The following TMEFF2 variants were observed in gnomAD, a reference collection of about 807,000 sequenced individuals.
TMEFF2 encodes the protein transmembrane protein with EGF like and two follistatin like domains 2.
A neutral mutation model predicts 53.8 loss-of-function variants in TMEFF2; 28 were observed. That is an observed-to-expected ratio of 0.52 (90% CI 0.39 to 0.71). TMEFF2 has a LOEUF of 0.71. Ranked by LOEUF, TMEFF2 falls within the 30% of genes least tolerant of loss-of-function variation. The pLI, the probability that TMEFF2 is intolerant of heterozygous loss-of-function variation, is 0.00. For synonymous variants in TMEFF2, 162 were observed against 166.3 expected, an observed-to-expected ratio of 0.97 and a Z score of 0.20; for missense variants, 353 against 455.2, an observed-to-expected ratio of 0.78 and a Z score of 2.04.
Position 191,949,732 on chromosome 2 carries a change from A to C in TMEFF2, c.*579T>G. The C allele has an allele frequency of 2.0e-6, 2 of 985,408 alleles. No homozygotes were observed. The highest frequency in any genetic ancestry group is 1.2e-6 in the Non-Finnish European group (1 of 829,918). The allele number at this position is 985,408 out of a possible 1,614,324, so 61.0% of individuals were successfully genotyped here. A position where few individuals can be genotyped will look rare whatever the true frequency, so the allele number is the denominator to read the frequency against. ...TATATGCCAGAGATTTTTCTGCTCT[A>C]GGGATGAAAATGGAAGACCAGGGAA... On this transcript the variant is annotated 3_prime_UTR_variant, in exon 10 of 10. Transcript: ENST00000272771.
chr2:192,001,779 G>C (rs1686368215), intron 5 of TMEFF2, among the ~76,000 whole-genome samples: 1 of 152,208 alleles, frequency 6.6e-6, no homozygotes, highest in Admixed American at 6.5e-5. Flanking sequence ...CCATGATTGT[G>C]AGGCCTCCCT....
intron 4 of TMEFF2, among the ~76,000 whole-genome samples, chr2:192,085,763 G>C (rs1300126765): frequency 6.6e-6 from 1 of 150,486 alleles, no homozygotes; most frequent in Non-Finnish European, 1.5e-5. Flanking sequence ...AACAAAGTCA[G>C]GTCAGAGAAA....
At chr2:191,982,486 C>T (rs1685876081) in intron 7 of TMEFF2, among the ~76,000 whole-genome samples, 1 of 103,028 alleles carries the variant, frequency 9.7e-6, no homozygotes, top group Non-Finnish European at 1.9e-5. Context: ...GGTGTTAGCA[C>T]AAGACAATGA....
chr2:192,093,013 A>G (rs1375797029), intron 4 of TMEFF2, among the ~76,000 whole-genome samples: 1 of 152,124 alleles, frequency 6.6e-6, no homozygotes, highest in African/African-American at 2.4e-5. Context: ...GCAATAATAG[A>G]AAAGCAATAT....
chr2:191,962,912 TCAC>T (rs1171051597), intron 7 of TMEFF2, among the ~76,000 whole-genome samples: 2 of 152,170 alleles, frequency 1.3e-5, no homozygotes, highest in African/African-American at 4.8e-5. Flanking sequence ...TTTTCAAACT[TCAC>T]CACTCAGTCC....
At chr2:192,133,178 G>C (rs11886297) in intron 4 of TMEFF2, among the ~76,000 whole-genome samples, 2,777 of 151,344 alleles carry the variant, frequency 0.018, 71 homozygotes, top group African/African-American at 0.064. Flanking sequence ...CTTATTAGGC[G>C]GAGACACTTT....
intron 4 of TMEFF2, among the ~76,000 whole-genome samples, chr2:192,092,833 T>A (rs1026093101): frequency 6.6e-6 from 1 of 152,012 alleles, no homozygotes; most frequent in African/African-American, 2.4e-5. Flanking sequence ...TTCTAGAAGC[T>A]GAAAAAGGCA....
rs563702227 is a variant in TMEFF2 at position 192,103,536 on chromosome 2, A to G, written c.440-45761T>C. 1.5e-4 allele frequency among the ~76,000 whole-genome samples: 23 copies of G among 152,174 alleles called. 1 individual carries two copies. In the East Asian group the frequency reaches 4.1e-3, roughly 27 times the overall value. On this transcript the variant is annotated intron_variant, in intron 4 of 9. Transcript: ENST00000272771. ...GACTTGGATCTAGCCTTCCTACTTT[A>G]TCTTGTTCTTTTGCTAATTAGACAT...
In TMEFF2 at chr2:192,061,805, TGCTTGTTTAAGAGTCTGG is replaced by T. The variant is rs555508889; in HGVS notation, c.440-4048_440-4031del. On this transcript the variant is annotated intron_variant, in intron 4 of 9. Transcript: ENST00000272771. ...TCACTCAGTTAGTTCACATGAGATC[TGCTTGTTTAAGAGTCTGG>T]GTTTGTTTAAGAGTCTGGAACCTCT... Among the ~76,000 whole-genome samples, 4 of 152,100 alleles carry T rather than the reference TGCTTGTTTAAGAGTCTGG, an allele frequency of 2.6e-5. No homozygotes were observed. In the East Asian group the frequency reaches 7.8e-4, roughly 29 times the overall value.
chr2:192,070,075 G>C (rs1290870789), intron 4 of TMEFF2, among the ~76,000 whole-genome samples: 1 of 142,702 alleles, frequency 7.0e-6, no homozygotes, highest in African/African-American at 2.6e-5. Context: ...ATTGCTATTG[G>C]CCTAAACTAT....
chr2:192,128,650 G>C (rs963151659), intron 4 of TMEFF2, among the ~76,000 whole-genome samples: 1 of 152,120 alleles, frequency 6.6e-6, no homozygotes, highest in Non-Finnish European at 1.5e-5. Context: ...CTTTAGTAAG[G>C]CTGCAAGTTT....
chr2:192,182,365 C>G (rs2106037567), intron 3 of TMEFF2, among the ~76,000 whole-genome samples: 1 of 151,978 alleles, frequency 6.6e-6, no homozygotes, highest in Admixed American at 6.6e-5. Context: ...TTATTCAGAT[C>G]AAAAACCTTT....
chr2:191,974,584 T>G (rs915029588), intron 7 of TMEFF2, among the ~76,000 whole-genome samples: 1 of 152,236 alleles, frequency 6.6e-6, no homozygotes, highest in East Asian at 1.9e-4. Context: ...AATCAAAATT[T>G]TATTTATTTA....
Position 191,998,251 on chromosome 2 carries a change from A to G in TMEFF2, c.745+11T>C, listed in dbSNP as rs1559077967. On this transcript the variant is annotated intron_variant, in intron 7 of 9. Transcript: ENST00000272771. ...AAGAGCTCACATTTTGTAGAAGAAA[A>G]TATTATGTACCTGCATAATCTGTTC... is the stretch of plus-strand genomic sequence containing the variant. 6.3e-7 allele frequency: 1 copy of G among 1,584,704 alleles called. No individual in the cohort carries two copies. Among genetic ancestry groups the G allele is most frequent in the South Asian group, 1.2e-5 (1 of 86,756 alleles).
intron 5 of TMEFF2, among the ~76,000 whole-genome samples, chr2:192,018,502 A>G (rs953990345): frequency 3.3e-5 from 5 of 151,904 alleles, no homozygotes; most frequent in Middle Eastern, 6.8e-3. Flanking sequence ...TCTTCCCCTC[A>G]TTTTATTTTA....
intron 4 of TMEFF2, among the ~76,000 whole-genome samples, chr2:192,150,687 C>T (rs1452328768): frequency 1.9e-5 from 2 of 106,362 alleles, no homozygotes; most frequent in African/African-American, 6.6e-5. Context: ...AAGCAGAGGA[C>T]ACTTCATGTT....
intron 8 of TMEFF2, among the ~76,000 whole-genome samples, chr2:191,954,990 G>T (rs1692021023): frequency 6.6e-6 from 1 of 152,134 alleles, no homozygotes; most frequent in East Asian, 1.9e-4. Flanking sequence ...ATCAGGAAGG[G>T]TTTAATAATA....
At chr2:192,144,975 T>A (rs889538093) in intron 4 of TMEFF2, among the ~76,000 whole-genome samples, 20 of 152,004 alleles carry the variant, frequency 1.3e-4, no homozygotes, top group African/African-American at 4.8e-4. Context: ...GAGTAAACAT[T>A]ATTTGTTGAT....
intron 5 of TMEFF2, among the ~76,000 whole-genome samples, chr2:192,025,195 G>C (rs1051034645): frequency 2.0e-5 from 3 of 152,076 alleles, no homozygotes; most frequent in Admixed American, 6.6e-5. Flanking sequence ...TTGTTTGAAT[G>C]ATGCCCACTT....
Sources: allele counts gnomAD v4.1 joint callset (sites outside exome capture counted in the v4.1 genomes callset), GRCh38; gene constraint gnomAD v4.1.1; transcripts MANE v1.5; gene names NCBI Gene and HGNC (gene_info 2026-07-23, HGNC 2026-07-21).